Variants in DDX6 observed in about 807,000 individuals in gnomAD.
DDX6 encodes the protein DEAD-box helicase 6.
In DDX6, 7 loss-of-function variants were observed where a neutral mutation model predicts 60.6. That is an observed-to-expected ratio of 0.12 (90% CI 0.07 to 0.22). The LOEUF (loss-of-function observed/expected upper bound fraction) is 0.22. DDX6 is among the 10% of genes least tolerant of loss of function. DDX6 has a pLI of 1.00. For synonymous variants in DDX6, 207 were observed against 201.0 expected (o/e 1.03, Z -0.25); for missense variants, 270 against 589.9 (o/e 0.46, Z 5.62).
At chr11:118,765,809 G>A (rs1272553943) in intron 5 of DDX6, among the ~76,000 whole-genome samples, 4 of 146,538 alleles carry the variant, frequency 2.7e-5, no homozygotes, top group Admixed American at 6.9e-5. Context: ...GCCTAGGCAC[G>A]GTGGCTCACA....
intron 4 of DDX6, among the ~76,000 whole-genome samples, chr11:118,771,510 C>G (rs1268655535): frequency 6.6e-6 from 1 of 152,186 alleles, no homozygotes; most frequent in African/African-American, 2.4e-5. Context: ...CACATCCACA[C>G]TGCCTCTTAC....
At chr11:118,759,809 G>A in intron 8 of DDX6, 113 bp downstream of exon 8, 1 of 1,202,810 alleles carries the variant, frequency 8.3e-7, no homozygotes, top group Non-Finnish European at 1.1e-6. Flanking sequence ...AGAGCCAAAG[G>A]CTTGAAATAA....
At chr11:118,755,604 T>C (rs1280765674) in intron 11 of DDX6, 101 bp from the exon 12 acceptor site, 4 of 665,004 alleles carry the variant, frequency 6.0e-6, no homozygotes, top group Non-Finnish European at 1.0e-5. Context: ...ATTAATTTAA[T>C]TCAGTTATTC....
intron 6 of DDX6, among the ~76,000 whole-genome samples, chr11:118,764,627 A>G (rs1010260584): frequency 7.9e-5 from 12 of 152,050 alleles, no homozygotes; most frequent in Non-Finnish European, 1.3e-4. Context: ...ATACGGTGAA[A>G]CCCCGTCTCT....
At position 118,747,857 on chromosome 11, in the gene DDX6, C is replaced by T. The variant is rs1037904367; in HGVS notation, c.*4248G>A. 5 of 149,960 alleles carry T rather than the reference C, an allele frequency of 3.3e-5. No individual in the cohort carries two copies. Among genetic ancestry groups the T allele is most frequent in the South Asian group, 2.2e-4 (1 of 4,594 alleles). The allele number at this position is 149,960 out of a possible 1,614,324, so 9.3% of individuals were successfully genotyped here. The stretch of plus-strand genomic sequence containing the variant: ...CTTATAAACTCAGCAGACTCCGGTC[C>T]ATATATGCGTACATACAACATAACA... On this transcript the variant is annotated 3_prime_UTR_variant, in exon 14 of 14. Coordinates refer to ENST00000534980, the MANE Select transcript of DDX6 (RefSeq NM_004397.6).
chr11:118,753,169 C>T (rs1555157868), intron 13 of DDX6, among the ~76,000 whole-genome samples: 3 of 152,026 alleles, frequency 2.0e-5, no homozygotes, highest in Non-Finnish European at 2.9e-5. Context: ...GCTGGGATTA[C>T]AGGCGCCCGC....
Position 118,759,911 on chromosome 11 carries a change from T to C in DDX6, c.864+11A>G, listed in dbSNP as rs782070714. 5.0e-6 allele frequency: 8 copies of C among 1,611,682 alleles called. No homozygotes were observed. Among genetic ancestry groups the C allele is most frequent in the Non-Finnish European group, 5.1e-6 (6 of 1,179,332 alleles). ...GGATGGCACTGATTCCAAGTACAGA[T>C]TTATACTCACCATGAACTTCTGTAC... On this transcript the variant is annotated intron_variant, in intron 8 of 13. Coordinates refer to ENST00000534980, the MANE Select transcript of DDX6 (RefSeq NM_004397.6).
At chr11:118,774,464 C>CCTT (rs1861634416) in intron 4 of DDX6, among the ~76,000 whole-genome samples, 4 of 116,404 alleles carry the variant, frequency 3.4e-5, no homozygotes, top group African/African-American at 1.3e-4. Flanking sequence ...CTCTAACAGT[C>CCTT]TTTTTTTTTT....
chr11:118,763,626 G>C (rs1357241800), intron 6 of DDX6, among the ~76,000 whole-genome samples: 1 of 152,056 alleles, frequency 6.6e-6, no homozygotes, highest in Non-Finnish European at 1.5e-5. Flanking sequence ...ATGAGGTCAG[G>C]AGTTCGAGAC....
At chr11:118,769,003 A>AAAAT in intron 4 of DDX6, among the ~76,000 whole-genome samples, 1 of 149,450 alleles carries the variant, frequency 6.7e-6, no homozygotes, top group Non-Finnish European at 1.5e-5. Flanking sequence ...AAAAAAAAAA[A>AAAAT]AAAAAAGGCT....
chr11:118,779,231 G>T (rs1555164183), intron 4 of DDX6, among the ~76,000 whole-genome samples: 3 of 149,428 alleles, frequency 2.0e-5, no homozygotes, highest in African/African-American at 7.4e-5. Context: ...GTCATAAAAA[G>T]AAGAACAAAC....
At chr11:118,789,853 T>C (rs1435882389) in intron 1 of DDX6, 1 of 152,180 alleles carries the variant, frequency 6.6e-6, no homozygotes, top group East Asian at 1.9e-4. Context: ...CTGCAGCTTT[T>C]TCTCAGAGAA....
upstream of DDX6, chr11:118,791,306 C>G (rs1862272321): frequency 6.6e-6 from 1 of 152,164 alleles, no homozygotes; most frequent in East Asian, 1.9e-4. Context: ...CGCGGCGTCA[C>G]TGCCTTCCTG....
Position 118,764,835 on chromosome 11 carries a change from C to CACACACACACAG in DDX6, c.646+373_646+374insCTGTGTGTGTGT, listed in dbSNP as rs1276508733. 5.9e-3 allele frequency among the ~76,000 whole-genome samples: 891 copies of CACACACACACAG among 150,416 alleles called. 17 individuals are homozygous for CACACACACACAG. The highest frequency in any genetic ancestry group is 0.02 in the African/African-American group (815 of 40,686). ...AAAAAAAAATATACACACACACACACACATTATATATACATTTATAATTTT... is the reference window on the plus strand; with the variant it reads ...AAAAAAAAATATACACACACACACACACACACACACAGACATTATATATACATTTATAATTTT... On this transcript the variant is annotated intron_variant, in intron 6 of 13. Transcript: ENST00000534980.
chr11:118,787,931 C>T lies in DDX6; in HGVS notation c.-267-1413G>A, dbSNP rs549960482. The T allele has an allele frequency of 2.7e-4, 40 of 150,824 alleles. 1 individual carries two copies. Among genetic ancestry groups the T allele is most frequent in the Non-Finnish European group, 4.4e-5 (3 of 67,752 alleles). The allele number at this position is 150,824 out of a possible 1,614,324, so 9.3% of individuals were successfully genotyped here. ...AAATTCCTGTTTAAAAAAAAATCCG[C>T]GGAAGACTAAACACACTAGTAATTT... On this transcript the variant is annotated intron_variant, in intron 1 of 13. Transcript: ENST00000534980.
At chr11:118,760,075 A>C in intron 7 of DDX6, 31 bp from the exon 8 acceptor site, 1 of 1,601,232 alleles carries the variant, frequency 6.2e-7, no homozygotes. Context: ...AATTTTAAAA[A>C]CAATAAAATA....
chr11:118,751,734 G>C lies in DDX6; in HGVS notation c.*371C>G, dbSNP rs559324978. ...AAGTTGAAATGCACGAGAGTCAGCT[G>C]TTGGAGAATTTTGAAATCATTGACA... is the stretch of plus-strand genomic sequence containing the variant. On this transcript the variant is annotated 3_prime_UTR_variant, in exon 14 of 14. Transcript: ENST00000534980. 164 of 295,406 alleles carry C rather than the reference G, an allele frequency of 5.6e-4. No homozygotes were observed. The highest frequency in any genetic ancestry group is 1.7e-3 in the South Asian group (59 of 34,630). 18.3% of individuals were successfully genotyped at this position (295,406 alleles called of 1,614,324 possible).
intron 3 of DDX6, among the ~76,000 whole-genome samples, chr11:118,779,980 G>A (rs1555164335): frequency 1.3e-5 from 2 of 151,762 alleles, no homozygotes; most frequent in Admixed American, 6.6e-5. Flanking sequence ...AGCCAGGGTG[G>A]TGGTGCACGC....
intron 1 of DDX6, chr11:118,786,975 T>C (rs955472571): frequency 5.9e-5 from 9 of 152,214 alleles, no homozygotes; most frequent in African/African-American, 2.2e-4. Flanking sequence ...TAGATTTAAG[T>C]GAGCTTTTGA....
Sources: allele counts gnomAD v4.1 joint callset (sites outside exome capture counted in the v4.1 genomes callset), GRCh38; gene constraint gnomAD v4.1.1; transcripts MANE v1.5; gene names NCBI Gene and HGNC (gene_info 2026-07-23, HGNC 2026-07-21).